Variants in ZNF385D observed in about 807,000 individuals in gnomAD.
The protein encoded by ZNF385D is zinc finger protein 385D.
Under a neutral mutation model 35.8 loss-of-function variants are expected in ZNF385D, and 15 were observed. That is an observed-to-expected ratio of 0.42 (90% CI 0.28 to 0.64). The LOEUF (loss-of-function observed/expected upper bound fraction) is 0.64. Among genes scored for constraint, ZNF385D ranks in the 30% least tolerant of loss-of-function variants. The probability of loss-of-function intolerance (pLI) is 0.23; values close to 1 mark genes in which losing one functional copy is unlikely to be tolerated. For synonymous variants in ZNF385D, 212 were observed against 186.8 expected (o/e 1.13, Z -1.10); for missense variants, 474 against 494.6 (o/e 0.96, Z 0.39).
intron 3 of ZNF385D, among the ~76,000 whole-genome samples, chr3:22,129,143 G>A (rs903533635): frequency 6.6e-6 from 1 of 152,126 alleles, no homozygotes; most frequent in Admixed American, 6.6e-5. Flanking sequence ...TGGATTACAT[G>A]GGAGAGTCTC....
At chr3:22,246,080 G>T (rs1699763038) in intron 2 of ZNF385D, among the ~76,000 whole-genome samples, 1 of 152,004 alleles carries the variant, frequency 6.6e-6, no homozygotes, top group African/African-American at 2.4e-5. Flanking sequence ...ACAGATGCTT[G>T]GATCAGGTTT....
intron 2 of ZNF385D, chr3:22,372,355 TG>T: frequency 2.5e-6 from 2 of 812,336 alleles, no homozygotes; most frequent in Non-Finnish European, 3.0e-6. Context: ...CCCTCGCGCC[TG>T]GTATCCCGCA....
intron 3 of ZNF385D, among the ~76,000 whole-genome samples, chr3:22,112,140 T>C (rs1254078627): frequency 6.6e-6 from 1 of 152,178 alleles, no homozygotes; most frequent in Middle Eastern, 3.2e-3. Context: ...AAGCAAAGTG[T>C]CAGTTTTTTA....
At chr3:21,673,014 G>T (rs1340558717) in intron 1 of ZNF385D, among the ~76,000 whole-genome samples, 1 of 152,038 alleles carries the variant, frequency 6.6e-6, no homozygotes, top group African/African-American at 2.4e-5. Context: ...AATAATTCAG[G>T]ACAGGTGCCT....
chr3:21,579,020 A>ATTCC (rs1257834659), intron 2 of ZNF385D, among the ~76,000 whole-genome samples: 4 of 152,146 alleles, frequency 2.6e-5, no homozygotes, highest in Non-Finnish European at 5.9e-5. Context: ...TCCACTCTTA[A>ATTCC]TTCCTTTCTA....
intron 3 of ZNF385D, among the ~76,000 whole-genome samples, chr3:21,904,703 G>T (rs1699586323): frequency 6.6e-6 from 1 of 152,086 alleles, no homozygotes; most frequent in African/African-American, 2.4e-5. Flanking sequence ...TCTCTCTTCT[G>T]TTATTGTCTA....
intron 3 of ZNF385D, among the ~76,000 whole-genome samples, chr3:21,874,889 TGTTC>T (rs909481555): frequency 2.6e-5 from 4 of 151,990 alleles, no homozygotes; most frequent in African/African-American, 9.7e-5. Context: ...CTTGTTTGTT[TGTTC>T]TTTAATTTCT....
chr3:22,145,718 A>C (rs924911540), intron 3 of ZNF385D, among the ~76,000 whole-genome samples: 1 of 152,198 alleles, frequency 6.6e-6, no homozygotes, highest in Non-Finnish European at 1.5e-5. Flanking sequence ...ATTGATAAGA[A>C]TAAATAAAGA....
intron 3 of ZNF385D, among the ~76,000 whole-genome samples, chr3:22,031,337 A>G (rs1697989091): frequency 6.6e-6 from 1 of 152,244 alleles, no homozygotes; most frequent in African/African-American, 2.4e-5. Flanking sequence ...CTGCCCCTGC[A>G]GCAGGCTTCT....
chr3:21,451,552 C>T (rs1256418279), intron 4 of ZNF385D, among the ~76,000 whole-genome samples: 1 of 151,988 alleles, frequency 6.6e-6, no homozygotes, highest in Non-Finnish European at 1.5e-5. Context: ...TTTTAGAGAT[C>T]CTTATTCTAA....
chr3:21,710,784 C>T (rs1419447402), intron 1 of ZNF385D, among the ~76,000 whole-genome samples: 1 of 152,098 alleles, frequency 6.6e-6, no homozygotes, highest in Non-Finnish European at 1.5e-5. Flanking sequence ...GTTATGTAAC[C>T]TCTCATTGAA....
At chr3:21,844,002 T>C (rs1238546773) in intron 3 of ZNF385D, among the ~76,000 whole-genome samples, 1 of 151,906 alleles carries the variant, frequency 6.6e-6, no homozygotes, top group Admixed American at 6.6e-5. Context: ...ACATAGCAAG[T>C]AATGCGTCAC....
chr3:21,497,306 A>G (rs1464495131), intron 4 of ZNF385D, among the ~76,000 whole-genome samples: 1 of 152,182 alleles, frequency 6.6e-6, no homozygotes, highest in East Asian at 1.9e-4. Context: ...ACAACAGTCA[A>G]GAAAAGAATA....
Position 21,421,275 on chromosome 3 carries a change from A to C in ZNF385D, c.1127T>G (p.Leu376Arg), listed in dbSNP as rs531287779. The C allele has an allele frequency of 6.2e-7, 1 of 1,614,154 alleles. No individual in the cohort carries two copies. Among genetic ancestry groups the C allele is most frequent in the African/African-American group, 1.3e-5 (1 of 75,028 alleles). The change falls in exon 8 of 8, where the codon CTG becomes CGG. Residue 376 changes from leucine (L) to arginine (R), a missense_variant. Leu to Arg is a moderately radical substitution (Grantham distance 102, BLOSUM62 -2). Transcript: ENST00000281523. ...CCGAATGGGTCCAGGAGCTGGCCGC[A>C]GGAGTGCCGGAGGAAGCGCGGAAGT... ...FQTSALPPAL[L>R]RPAPGPIRTA... is the part of the protein sequence containing the mutation.
At chr3:21,702,336 C>G (rs1353049451) in intron 1 of ZNF385D, among the ~76,000 whole-genome samples, 1 of 152,196 alleles carries the variant, frequency 6.6e-6, no homozygotes, top group Non-Finnish European at 1.5e-5. Context: ...TACATTGGTC[C>G]CTATCAGCCA....
chr3:21,825,739 A>T (rs1374428511), intron 3 of ZNF385D, among the ~76,000 whole-genome samples: 1 of 152,140 alleles, frequency 6.6e-6, no homozygotes, highest in Non-Finnish European at 1.5e-5. Context: ...CTCTCAAATT[A>T]TGAAGGTTAA....
intron 3 of ZNF385D, among the ~76,000 whole-genome samples, chr3:22,165,486 A>T (rs1178505575): frequency 6.6e-6 from 1 of 152,192 alleles, no homozygotes; most frequent in Non-Finnish European, 1.5e-5. Context: ...TACTCAGCAA[A>T]ATCATGTGGG....
rs1315537613 is a variant in ZNF385D at position 22,112,614 on chromosome 3, G to C, written c.325+56203C>G. On this transcript the variant is annotated intron_variant, in intron 3 of 5. Coordinates refer to the ZNF385D transcript ENST00000494108. The stretch of plus-strand genomic sequence containing the variant: ...CTTAGTATAAATATTTTGATACTTA[G>C]CTTTATTCTAATTCTTTATAGATAA... 2.6e-5 allele frequency among the ~76,000 whole-genome samples: 4 copies of C among 152,120 alleles called. No homozygotes were observed. The South Asian group carries it at 6.2e-4, about 24-fold the overall frequency.
chr3:22,081,150 T>C (rs1015270917), intron 3 of ZNF385D, among the ~76,000 whole-genome samples: 2 of 152,218 alleles, frequency 1.3e-5, no homozygotes, highest in African/African-American at 4.8e-5. Flanking sequence ...CTCTACAAAA[T>C]GTAATAAATG....
Sources: gnomAD v4.1 joint callset for allele counts (sites outside exome capture counted in the v4.1 genomes callset) on GRCh38, gnomAD v4.1.1 for gene constraint, MANE v1.5 for transcripts, NCBI Gene and HGNC (gene_info 2026-07-23, HGNC 2026-07-21) for gene names.